PMS1: variants seen among roughly 807,000 people sequenced by gnomAD.
PMS1 encodes the protein PMS1 homolog 1, mismatch repair system component, also known as PMS1 protein homolog 1.
A neutral mutation model predicts 93.1 loss-of-function variants in PMS1; 79 were observed. The ratio of observed to expected loss-of-function variants is 0.85; its 90% CI spans 0.71 to 1.02. The LOEUF (loss-of-function observed/expected upper bound fraction) is 1.02. Among genes scored for constraint, PMS1 ranks in the 50% least tolerant of loss-of-function variants. The pLI, the probability that PMS1 is intolerant of heterozygous loss-of-function variation, is 0.00. For synonymous variants in PMS1, 335 were observed against 363.4 expected (o/e 0.92, Z 0.89); for missense variants, 1,064 against 1,085.3 (o/e 0.98, Z 0.28).
At position 189,853,814 on chromosome 2, in the gene PMS1, G is replaced by A. The variant is rs1444193499; in HGVS notation, c.823-125G>A. On this transcript the variant is annotated intron_variant, in intron 7 of 12. Transcript: ENST00000441310. ...TCCCAGGCATGAGCCACTGTGCCGGGTCATGATAATGCTTTTCCTAATAAG... is the reference window on the plus strand; with the variant it reads ...TCCCAGGCATGAGCCACTGTGCCGGATCATGATAATGCTTTTCCTAATAAG... The A allele has an allele frequency of 2.6e-5, 16 of 626,762 alleles. No homozygotes were observed. The East Asian group carries it at 4.7e-4, about 18-fold the overall frequency. 38.8% of individuals were successfully genotyped at this position (626,762 alleles called of 1,614,324 possible). A position where few individuals can be genotyped will look rare whatever the true frequency, so the allele number is the denominator to read the frequency against.
At chr2:189,838,174 T>TTA (rs1447028532) in intron 5 of PMS1, among the ~76,000 whole-genome samples, 1 of 152,142 alleles carries the variant, frequency 6.6e-6, no homozygotes, top group African/African-American at 2.4e-5. Context: ...CCTTAAACTG[T>TTA]TATGTTAAGA....
Position 189,873,599 on chromosome 2 carries a change from C to A in PMS1, c.2577C>A (p.Asn859Lys). ...AAGAAATTCTTAATGCTATATTAAA[C>A]AGAAATGCAAAGGAAGTTTATGAAT... ...DLKEILNAIL[N>K]RNAKEVYECR... is the part of the protein sequence containing the mutation. Residue 859 changes from asparagine (N) to lysine (K), a missense_variant, in exon 12 of 13, where the codon AAC becomes AAA. Coordinates refer to ENST00000441310, the MANE Select transcript of PMS1 (RefSeq NM_000534.5). 6.2e-7 allele frequency: 1 copy of A among 1,605,972 alleles called. No homozygotes were observed. Among genetic ancestry groups the A allele is most frequent in the Non-Finnish European group, 8.5e-7 (1 of 1,172,774 alleles).
intron 4 of PMS1, among the ~76,000 whole-genome samples, chr2:189,809,562 T>G (rs1370476777): frequency 6.7e-6 from 1 of 149,626 alleles, no homozygotes; most frequent in Non-Finnish European, 1.5e-5. Flanking sequence ...TTAATCTCAA[T>G]TGGCTGGGCA....
At chr2:189,814,911 C>T (rs561556404) in intron 4 of PMS1, among the ~76,000 whole-genome samples, 47 of 152,092 alleles carry the variant, frequency 3.1e-4, no homozygotes, top group Non-Finnish European at 5.9e-4. Flanking sequence ...TCCTGGCTAA[C>T]ATGGTGAAAC....
At chr2:189,830,093 A>G (rs1277969624) in intron 5 of PMS1, among the ~76,000 whole-genome samples, 1 of 152,124 alleles carries the variant, frequency 6.6e-6, no homozygotes, top group African/African-American at 2.4e-5. Flanking sequence ...TTTTTTCTGT[A>G]TAGAGTCAGA....
intron 5 of PMS1, among the ~76,000 whole-genome samples, chr2:189,832,627 A>G (rs1423875682): frequency 6.6e-6 from 1 of 152,044 alleles, no homozygotes; most frequent in African/African-American, 2.4e-5. Context: ...CACCATGCCC[A>G]GCTAATTTTT....
intron 5 of PMS1, among the ~76,000 whole-genome samples, chr2:189,827,221 A>G (rs1160098689): frequency 1.3e-5 from 2 of 152,230 alleles, no homozygotes; most frequent in Admixed American, 6.5e-5. Context: ...TCCTCTAACC[A>G]CATACATTTT....
intron 5 of PMS1, among the ~76,000 whole-genome samples, chr2:189,843,278 A>G (rs1234438247): frequency 1.3e-5 from 2 of 152,156 alleles, no homozygotes; most frequent in African/African-American, 2.4e-5. Flanking sequence ...TCAGCCTCCC[A>G]CAGTGCTGGG....
Position 189,832,588 on chromosome 2 carries a change from C to G in PMS1, c.583-11376C>G, listed in dbSNP as rs545062462. Among the ~76,000 whole-genome samples, 8 of 152,216 alleles carry G rather than the reference C, an allele frequency of 5.3e-5. 1 individual carries two copies. In the East Asian group the frequency reaches 1.5e-3, roughly 29 times the overall value. ...TCAAGCGATTCTCCTGCCTCAGCCT[C>G]CCGGGTAGCTGGGACTACAGGCGCG... On this transcript the variant is annotated intron_variant, in intron 5 of 12. Coordinates refer to ENST00000441310, the MANE Select transcript of PMS1 (RefSeq NM_000534.5).
rs1183940595 is a variant in PMS1 at position 189,806,029 on chromosome 2, C to G, written c.418+275C>G. ...ACTAAGAGTATTTATTTTACCAGTG[C>G]TGGATTACCAGTGTCATCTTCATAT... On this transcript the variant is annotated intron_variant, in intron 4 of 12. Coordinates refer to ENST00000441310, the MANE Select transcript of PMS1 (RefSeq NM_000534.5). 3 of 969,630 alleles carry G rather than the reference C, an allele frequency of 3.1e-6. No individual in the cohort carries two copies. The Admixed American group carries it at 1.0e-4, about 34-fold the overall frequency. The allele number at this position is 969,630 out of a possible 1,614,324, so 60.1% of individuals were successfully genotyped here.
chr2:189,817,653 T>C (rs1347323416), intron 4 of PMS1, among the ~76,000 whole-genome samples: 1 of 152,226 alleles, frequency 6.6e-6, no homozygotes, highest in African/African-American at 2.4e-5. Flanking sequence ...TAAACTGTAA[T>C]ATTATATCTC....
chr2:189,824,159 G>T (rs1490455294), intron 5 of PMS1, among the ~76,000 whole-genome samples: 1 of 152,082 alleles, frequency 6.6e-6, no homozygotes, highest in East Asian at 1.9e-4. Flanking sequence ...GCAAACCTCA[G>T]CATATGTGTT....
At chr2:189,823,217 G>A (rs1449163822) in intron 5 of PMS1, among the ~76,000 whole-genome samples, 3 of 151,352 alleles carry the variant, frequency 2.0e-5, no homozygotes, top group African/African-American at 2.4e-5. Flanking sequence ...GGGTTTTTTT[G>A]TTTTGTTTTT....
At chr2:189,815,582 G>A (rs1044208945) in intron 4 of PMS1, among the ~76,000 whole-genome samples, 1 of 152,070 alleles carries the variant, frequency 6.6e-6, no homozygotes, top group African/African-American at 2.4e-5. Context: ...TTCCCCTTCC[G>A]CCATGAATGT....
rs766117735 is a variant in PMS1, at chr2:189,864,111, CA to C, written c.2226del (p.Glu743ArgfsTer2). 3.1e-6 allele frequency: 5 copies of C among 1,613,216 alleles called. No individual in the cohort carries two copies. Among genetic ancestry groups the C allele is most frequent in the Non-Finnish European group, 4.2e-6 (5 of 1,179,572 alleles). On this transcript the variant is annotated frameshift_variant, in exon 10 of 13. Coordinates refer to ENST00000441310, the MANE Select transcript of PMS1 (RefSeq NM_000534.5). LOFTEE classifies it high-confidence loss of function. ...GATGCATGGCTAATGACATCCAAAA[CA>C]GAGGTAATGTTATTAAATCCATATA... Reference protein sequence around the residue: ...FPDAWLMTSKTEVMLLNPYRV... With the variant: ...FPDAWLMTSKXEVMLLNPYRV...
chr2:189,815,237 G>A lies in PMS1; in HGVS notation c.419-2780G>A, dbSNP rs192512701. 1.2e-4 allele frequency among the ~76,000 whole-genome samples: 18 copies of A among 152,268 alleles called. 1 individual carries two copies. The East Asian group carries it at 1.7e-3, about 15-fold the overall frequency. On this transcript the variant is annotated intron_variant, in intron 4 of 12. Coordinates refer to ENST00000441310, the MANE Select transcript of PMS1 (RefSeq NM_000534.5). The stretch of plus-strand genomic sequence containing the variant: ...CTCTAGGAACAGAAGGAAGGACATC[G>A]GTAGGAGAGAAGATAGCCATGGAAC...
intron 2 of PMS1, among the ~76,000 whole-genome samples, chr2:189,792,949 A>G (rs2049023989): frequency 1.3e-5 from 2 of 151,888 alleles, no homozygotes; most frequent in South Asian, 4.1e-4. Flanking sequence ...AGCTGGGATT[A>G]CAGGCACCTG....
intron 5 of PMS1, among the ~76,000 whole-genome samples, chr2:189,832,591 G>A (rs559820880): frequency 1.2e-4 from 18 of 152,102 alleles, no homozygotes; most frequent in African/African-American, 4.1e-4. Context: ...TCAGCCTCCC[G>A]GGTAGCTGGG....
In PMS1 at chr2:189,787,844, AT is replaced by A. The variant is rs528186617; in HGVS notation, c.-21+3254del. ...CAATACAGATATCATATGCTTATGA[AT>A]TTGGTAGAGACACAAATATTCAGAC... is the stretch of plus-strand genomic sequence containing the variant. On this transcript the variant is annotated intron_variant, in intron 1 of 12. Transcript: ENST00000441310. Among the ~76,000 whole-genome samples the A allele has an allele frequency of 2.9e-4, 44 of 152,290 alleles. No individual in the cohort carries two copies. The South Asian group carries it at 6.2e-3, about 22-fold the overall frequency.
Sources: allele counts gnomAD v4.1 joint callset (sites outside exome capture counted in the v4.1 genomes callset), GRCh38; gene constraint gnomAD v4.1.1; transcripts MANE v1.5; gene names NCBI Gene and HGNC (gene_info 2026-07-23, HGNC 2026-07-21).